ATG16L1: variants seen among roughly 807,000 people sequenced by gnomAD.
The protein encoded by ATG16L1 is autophagy related 16 like 1, also known as autophagy-related protein 16-1.
In ATG16L1, 37 loss-of-function variants were observed where a neutral mutation model predicts 88.5. The observed-to-expected ratio is 0.42, with a 90% CI of 0.32 to 0.55. The LOEUF is 0.55. Among genes scored for constraint, ATG16L1 ranks in the 20% least tolerant of loss-of-function variants. ATG16L1 has a pLI of 0.13. For synonymous variants in ATG16L1, 301 were observed against 281.0 expected (o/e 1.07, Z -0.71); for missense variants, 554 against 752.8 (o/e 0.74, Z 3.09).
intron 11 of ATG16L1, among the ~76,000 whole-genome samples, chr2:233,281,602 G>T (rs1698724089): frequency 6.6e-6 from 1 of 152,162 alleles, no homozygotes; most frequent in African/African-American, 2.4e-5. Flanking sequence ...GCTCATTCTG[G>T]GGCAAGGGTT....
intron 11 of ATG16L1, 37 bp downstream of exon 11, chr2:233,281,212 GA>G: frequency 6.9e-7 from 1 of 1,445,446 alleles, no homozygotes; most frequent in Non-Finnish European, 9.4e-7. Flanking sequence ...AAGGTTTTTA[GA>G]AATAATTTAA....
Position 233,264,951 on chromosome 2 carries a change from C to G in ATG16L1, c.449C>G (p.Thr150Ser), listed in dbSNP as rs1697468037. ...DLETECLDLR[T>S]KLCDLERANQ... ...GAGACGGAGTGCCTAGACCTGCGCA[C>G]TAAGCTTTGTGACCTTGAAAGAGCC... The change falls in exon 5 of 18, where the codon ACT becomes AGT. Residue 150 changes from threonine to serine, a missense_variant. Physicochemically the swap from Thr to Ser is moderately conservative, Grantham distance 58. Coordinates refer to ENST00000392017, the MANE Select transcript of ATG16L1 (RefSeq NM_030803.7). 6.2e-7 allele frequency: 1 copy of G among 1,614,108 alleles called. No homozygotes were observed. The highest frequency in any genetic ancestry group is 8.5e-7 in the Non-Finnish European group (1 of 1,179,966).
intron 10 of ATG16L1, among the ~76,000 whole-genome samples, chr2:233,278,820 T>C (rs1035852868): frequency 5.3e-5 from 8 of 152,302 alleles, no homozygotes; most frequent in South Asian, 2.1e-4. Flanking sequence ...TTAGAGCCCA[T>C]TGAAGCATAC....
chr2:233,267,854 C>G (rs999307086), intron 5 of ATG16L1, among the ~76,000 whole-genome samples: 18 of 152,224 alleles, frequency 1.2e-4, no homozygotes, highest in Non-Finnish European at 1.9e-4. Context: ...ATGCTGTCCT[C>G]ATTCCCTAGC....
rs914216843 is a variant in ATG16L1 at position 233,292,069 on chromosome 2, G to A, written c.1431-59G>A. The A allele has an allele frequency of 1.1e-5, 18 of 1,575,568 alleles. 1 individual carries two copies. The highest frequency in any genetic ancestry group is 1.7e-4 in the Middle Eastern group (1 of 5,870). On this transcript the variant is annotated intron_variant, in intron 14 of 17. Transcript: ENST00000392017. The stretch of plus-strand genomic sequence containing the variant: ...TGCAGTGCCTTTTTTTTCCTCCACG[G>A]CATGATGTGAAGTAGTTCTGGCCTA...
At chr2:233,256,693 CTT>C (rs1175941099) in intron 2 of ATG16L1, among the ~76,000 whole-genome samples, 2 of 140,452 alleles carry the variant, frequency 1.4e-5, no homozygotes. Flanking sequence ...TTTTCTTTTT[CTT>C]TTTTTTTTTT....
chr2:233,251,990 G>A, intron 1 of ATG16L1, 48 bp downstream of exon 1: 1 of 1,438,644 alleles, frequency 7.0e-7, no homozygotes, highest in South Asian at 1.3e-5. Flanking sequence ...GGGCCCCGCG[G>A]AGGCATGCGG....
intron 2 of ATG16L1, 91 bp from the exon 3 acceptor site, chr2:233,263,039 G>T: frequency 1.8e-6 from 2 of 1,100,048 alleles, no homozygotes; most frequent in Non-Finnish European, 2.7e-6. Context: ...TGGAGTTATG[G>T]TTTCATTGCC....
intron 16 of ATG16L1, 125 bp downstream of exon 16, chr2:233,292,559 T>C: frequency 1.7e-6 from 2 of 1,174,248 alleles, no homozygotes; most frequent in South Asian, 1.3e-5. Flanking sequence ...GGAGTGTGCC[T>C]GTAAGTTCAT....
At chr2:233,253,039 CA>C (rs1696492983) in intron 1 of ATG16L1, among the ~76,000 whole-genome samples, 1 of 152,136 alleles carries the variant, frequency 6.6e-6, no homozygotes, top group African/African-American at 2.4e-5. Flanking sequence ...CACCCCAGAC[CA>C]ACTAAATCAC....
intron 9 of ATG16L1, among the ~76,000 whole-genome samples, chr2:233,276,163 C>A (rs933332544): frequency 2.0e-5 from 3 of 152,110 alleles, no homozygotes; most frequent in African/African-American, 7.2e-5. Context: ...AATAGTCACT[C>A]CCTCCGTGAT....
chr2:233,289,294 A>C (rs1480043508), intron 12 of ATG16L1, among the ~76,000 whole-genome samples: 1 of 151,884 alleles, frequency 6.6e-6, no homozygotes, highest in Non-Finnish European at 1.5e-5. Context: ...TTTGGCCAAC[A>C]CTCAAAGATA....
At chr2:233,275,912 C>T (rs1029122806) in intron 9 of ATG16L1, 6 of 518,946 alleles carry the variant, frequency 1.2e-5, no homozygotes, top group Admixed American at 5.8e-5. Context: ...TCACAGCTGA[C>T]GAGTATCCAA....
intron 1 of ATG16L1, among the ~76,000 whole-genome samples, chr2:233,252,452 G>T (rs1696442400): frequency 6.6e-6 from 1 of 151,886 alleles, no homozygotes; most frequent in Non-Finnish European, 1.5e-5. Context: ...CGGAGATCAC[G>T]GCTCACTGCA....
chr2:233,291,129 G>A (rs1342005002), intron 14 of ATG16L1, among the ~76,000 whole-genome samples: 1 of 152,194 alleles, frequency 6.6e-6, no homozygotes, highest in Non-Finnish European at 1.5e-5. Flanking sequence ...AGACAGGATG[G>A]AGAGTAAATG....
At chr2:233,257,347 C>T (rs556016593) in intron 2 of ATG16L1, among the ~76,000 whole-genome samples, 36 of 152,274 alleles carry the variant, frequency 2.4e-4, no homozygotes, top group African/African-American at 8.4e-4. Flanking sequence ...AATTTTTAAC[C>T]TTTATAATGG....
In ATG16L1 at chr2:233,292,166, A is replaced by G; in HGVS notation, c.1469A>G (p.Lys490Arg). 6.2e-7 allele frequency: 1 copy of G among 1,614,220 alleles called. No individual in the cohort carries two copies. Among genetic ancestry groups the G allele is most frequent in the Non-Finnish European group, 8.5e-7 (1 of 1,180,040 alleles). ...SIVREMELLG[K>R]ITALDLNPER... is the part of the protein sequence containing the mutation. The stretch of plus-strand genomic sequence containing the variant: ...GTTCGAGAGATGGAGCTGTTGGGAA[A>G]GATTACTGCCCTGGACTTAAACCCA... Residue 490 changes from lysine to arginine, a missense_variant, in exon 15 of 18, where the codon AAG becomes AGG. Physicochemically the swap from Lys to Arg is conservative, Grantham distance 26. Transcript: ENST00000392017.
intron 9 of ATG16L1, among the ~76,000 whole-genome samples, chr2:233,276,724 A>T (rs1163781094): frequency 6.6e-6 from 1 of 152,098 alleles, no homozygotes; most frequent in Non-Finnish European, 1.5e-5. Flanking sequence ...CGATCTGCCC[A>T]CCTCGGTCTC....
chr2:233,272,068 A>G (rs1384336892), intron 6 of ATG16L1, among the ~76,000 whole-genome samples: 2 of 152,234 alleles, frequency 1.3e-5, no homozygotes, highest in Admixed American at 6.5e-5. Context: ...AAAAGGAAAA[A>G]TCTTTCTGTC....
Sources: allele counts gnomAD v4.1 joint callset (sites outside exome capture counted in the v4.1 genomes callset), GRCh38; gene constraint gnomAD v4.1.1; transcripts MANE v1.5; gene names NCBI Gene and HGNC (gene_info 2026-07-23, HGNC 2026-07-21).